Variants in EDIL3 observed in about 807,000 individuals in gnomAD.
EDIL3 encodes EGF-like repeat and discoidin I-like domain-containing protein 3.
EDIL3 carries 37 observed loss-of-function variants against 67.4 expected under a neutral mutation model. That is an observed-to-expected ratio of 0.55 (90% CI 0.42 to 0.72). The LOEUF (loss-of-function observed/expected upper bound fraction) is 0.72. Ranked by LOEUF, EDIL3 falls within the 30% of genes least tolerant of loss-of-function variation. The probability of loss-of-function intolerance (pLI) is 0.00; values close to 1 mark genes in which losing one functional copy is unlikely to be tolerated. For synonymous variants in EDIL3, 195 were observed against 196.3 expected (o/e 0.99, Z 0.05); for missense variants, 527 against 586.3 (o/e 0.90, Z 1.04).
intron 9 of EDIL3, among the ~76,000 whole-genome samples, chr5:84,012,736 G>C (rs1390741702): frequency 6.6e-6 from 1 of 151,858 alleles, no homozygotes; most frequent in Non-Finnish European, 1.5e-5. Context: ...TTCTCCATAG[G>C]TTAAGACATT....
At chr5:84,355,217 T>G (rs1274762469) in intron 1 of EDIL3, among the ~76,000 whole-genome samples, 7 of 152,078 alleles carry the variant, frequency 4.6e-5, no homozygotes, top group African/African-American at 1.7e-4. Flanking sequence ...GTCTTCACGC[T>G]TTATTTCATT....
At chr5:84,205,461 T>G (rs1743952805) in intron 3 of EDIL3, among the ~76,000 whole-genome samples, 1 of 152,194 alleles carries the variant, frequency 6.6e-6, no homozygotes, top group Non-Finnish European at 1.5e-5. Context: ...AAATGTGCAA[T>G]AGCCAAAATA....
At chr5:83,981,491 T>C (rs1180985396) in intron 9 of EDIL3, among the ~76,000 whole-genome samples, 1 of 152,084 alleles carries the variant, frequency 6.6e-6, no homozygotes, top group Non-Finnish European at 1.5e-5. Context: ...ATCTTTGTAT[T>C]TGTTTTTGCT....
chr5:84,258,597 A>T (rs1745164889), intron 1 of EDIL3, among the ~76,000 whole-genome samples: 1 of 152,136 alleles, frequency 6.6e-6, no homozygotes, highest in Non-Finnish European at 1.5e-5. Flanking sequence ...ATTCTTTCTT[A>T]AAGAAGGATT....
chr5:84,248,516 AT>A (rs1744957574), intron 2 of EDIL3, among the ~76,000 whole-genome samples: 2 of 152,054 alleles, frequency 1.3e-5, no homozygotes, highest in South Asian at 4.1e-4. Context: ...ATTCTTTGCT[AT>A]TATCCTGTTT....
intron 9 of EDIL3, among the ~76,000 whole-genome samples, chr5:84,031,888 T>C (rs1229175129): frequency 6.6e-6 from 1 of 152,208 alleles, no homozygotes; most frequent in Non-Finnish European, 1.5e-5. Flanking sequence ...TCCAATATGC[T>C]GGATATGTTA....
At chr5:84,032,873 C>G (rs1745953898) in intron 9 of EDIL3, among the ~76,000 whole-genome samples, 1 of 152,142 alleles carries the variant, frequency 6.6e-6, no homozygotes, top group South Asian at 2.1e-4. Flanking sequence ...GAAATATGCT[C>G]TATATGACCA....
At position 83,975,553 on chromosome 5, in the gene EDIL3, A is replaced by AT. The variant is rs140877837; in HGVS notation, c.1138-12194dup. ...TATAAGACACCTCCATCTGTTGAAC[A>AT]TTTTTTACATAACTGTCTTTGATAT... On this transcript the variant is annotated intron_variant, in intron 9 of 10. Transcript: ENST00000296591. 7.6e-3 allele frequency among the ~76,000 whole-genome samples: 1,155 copies of AT among 151,996 alleles called. 12 individuals are homozygous for AT. Among genetic ancestry groups the AT allele is most frequent in the African/African-American group, 0.027 (1,111 of 41,538 alleles).
intron 1 of EDIL3, among the ~76,000 whole-genome samples, chr5:84,303,454 T>A (rs1227111414): frequency 6.6e-6 from 1 of 152,166 alleles, no homozygotes; most frequent in Admixed American, 6.5e-5. Flanking sequence ...TACTGTAGAC[T>A]TTTTTGTCTT....
At chr5:84,099,893 A>G (rs1033555295) in intron 6 of EDIL3, among the ~76,000 whole-genome samples, 8 of 147,428 alleles carry the variant, frequency 5.4e-5, no homozygotes, top group Non-Finnish European at 1.1e-4. Flanking sequence ...AGAAAAAAAA[A>G]CCCATCAAAA....
At chr5:84,237,716 A>C (rs1173837652) in intron 2 of EDIL3, among the ~76,000 whole-genome samples, 2 of 152,174 alleles carry the variant, frequency 1.3e-5, no homozygotes, top group African/African-American at 4.8e-5. Context: ...TTTTGTAAGA[A>C]AGATTTTTAA....
intron 1 of EDIL3, among the ~76,000 whole-genome samples, chr5:84,320,786 CA>C (rs906447253): frequency 3.9e-5 from 6 of 152,100 alleles, no homozygotes; most frequent in African/African-American, 1.2e-4. Flanking sequence ...AACAAACAAA[CA>C]AAGGGCCTAG....
chr5:84,086,868 G>A (rs1329750729), intron 6 of EDIL3, among the ~76,000 whole-genome samples: 2 of 152,080 alleles, frequency 1.3e-5, no homozygotes, highest in Non-Finnish European at 2.9e-5. Flanking sequence ...GTTACCCAGT[G>A]TATATACCTG....
intron 2 of EDIL3, among the ~76,000 whole-genome samples, chr5:84,235,623 A>G (rs1363144870): frequency 6.6e-6 from 1 of 152,056 alleles, no homozygotes; most frequent in Non-Finnish European, 1.5e-5. Context: ...TGTCTGGAAC[A>G]CTGGAGGAAC....
At chr5:83,944,490 A>G (rs182560624) in intron 10 of EDIL3, among the ~76,000 whole-genome samples, 2 of 149,478 alleles carry the variant, frequency 1.3e-5, no homozygotes, top group Admixed American at 6.7e-5. Flanking sequence ...TGTCTGCTTC[A>G]GAAAACAAAA....
At chr5:84,028,524 A>G (rs1270095428) in intron 9 of EDIL3, among the ~76,000 whole-genome samples, 1 of 152,100 alleles carries the variant, frequency 6.6e-6, no homozygotes, top group Non-Finnish European at 1.5e-5. Flanking sequence ...CAAAAAATTT[A>G]CTTTATCTAA....
chr5:84,168,169 A>C (rs558598210), intron 4 of EDIL3, among the ~76,000 whole-genome samples: 1 of 152,308 alleles, frequency 6.6e-6, no homozygotes, highest in Admixed American at 6.5e-5. Context: ...CACTCTATGC[A>C]ACTGTGATTT....
At chr5:83,950,227 C>T (rs1258277812) in intron 10 of EDIL3, among the ~76,000 whole-genome samples, 1 of 151,844 alleles carries the variant, frequency 6.6e-6, no homozygotes, top group Non-Finnish European at 1.5e-5. Context: ...TAAACGATAA[C>T]TGTATGATAA....
chr5:84,323,528 GAAAC>G (rs1251427843), intron 1 of EDIL3, among the ~76,000 whole-genome samples: 2 of 151,816 alleles, frequency 1.3e-5, no homozygotes, highest in Non-Finnish European at 3.0e-5. Context: ...AGGTATAAAG[GAAAC>G]AAACAGAAAA....
Sources: gnomAD v4.1 joint callset for allele counts (sites outside exome capture counted in the v4.1 genomes callset) on GRCh38, gnomAD v4.1.1 for gene constraint, MANE v1.5 for transcripts, NCBI Gene and HGNC (gene_info 2026-07-23, HGNC 2026-07-21) for gene names.